The following PCDHGB3 variants were observed in gnomAD, a reference collection of about 807,000 sequenced individuals.
The protein encoded by PCDHGB3 is protocadherin gamma subfamily B, 3.
Under a neutral mutation model 59.2 loss-of-function variants are expected in PCDHGB3, and 40 were observed. That is an observed-to-expected ratio of 0.68 (90% CI 0.52 to 0.88). The LOEUF (loss-of-function observed/expected upper bound fraction) is 0.88, where lower values mean the gene tolerates loss of function less well. PCDHGB3 is among the 40% of genes least tolerant of loss of function. The probability of loss-of-function intolerance (pLI) is 0.00; values close to 1 mark genes in which losing one functional copy is unlikely to be tolerated. For missense variants in PCDHGB3, 1,309 were observed against 1,187.9 expected (o/e 1.10, Z -1.50); for synonymous variants, 581 against 503.6 (o/e 1.15, Z -2.06).
chr5:141,473,262 G>T (rs905961411), intron 1 of PCDHGB3, among the ~76,000 whole-genome samples: 2 of 152,188 alleles, frequency 1.3e-5, no homozygotes, highest in Admixed American at 6.5e-5. Flanking sequence ...AGTCCTTAGT[G>T]TATGCTATGA....
chr5:141,404,250 C>A lies in PCDHGB3; in HGVS notation c.2415+31441C>A, dbSNP rs1282621596. 2.5e-6 allele frequency: 4 copies of A among 1,613,886 alleles called. No homozygotes were observed. In the Admixed American group the frequency reaches 5.0e-5, roughly 20 times the overall value. On this transcript the variant is annotated intron_variant, in intron 1 of 3. Coordinates refer to ENST00000576222, the MANE Select transcript of PCDHGB3 (RefSeq NM_018924.5). Reference sequence around the variant, plus strand: ...ACAGACAGAGGAACTCCGCCCCTGTCCACAGAAATTCACATCACCCTGCAA... The same window carrying A: ...ACAGACAGAGGAACTCCGCCCCTGTACACAGAAATTCACATCACCCTGCAA...
intron 1 of PCDHGB3, chr5:141,383,606 A>G (rs368778165): frequency 6.2e-7 from 1 of 1,613,768 alleles, no homozygotes; most frequent in Non-Finnish European, 8.5e-7. Flanking sequence ...GTGGATGTGA[A>G]TGACCACACG....
intron 3 of PCDHGB3, 120 bp downstream of exon 3, chr5:141,505,601 C>T (rs1171679451): frequency 6.4e-7 from 1 of 1,550,630 alleles, no homozygotes; most frequent in Non-Finnish European, 8.7e-7. Flanking sequence ...GATCTTTCGG[C>T]AGGTCTGAAA....
At chr5:141,374,123 G>A (rs1770158708) in intron 1 of PCDHGB3, 2 of 1,602,040 alleles carry the variant, frequency 1.2e-6, no homozygotes, top group Non-Finnish European at 8.5e-7. Context: ...CAGCGAGCAG[G>A]TCCTGCTCCT....
intron 1 of PCDHGB3, among the ~76,000 whole-genome samples, chr5:141,443,722 C>G (rs2098401001): frequency 6.6e-6 from 1 of 152,012 alleles, no homozygotes; most frequent in Admixed American, 6.6e-5. Context: ...TATAAAATTC[C>G]TCATACATTT....
rs1292946472 is a variant in PCDHGB3 at position 141,382,951 on chromosome 5, A to G, written c.2415+10142A>G. 2 of 1,600,898 alleles carry G rather than the reference A, an allele frequency of 1.2e-6. No homozygotes were observed. The highest frequency in any genetic ancestry group is 1.7e-6 in the Non-Finnish European group (2 of 1,171,390). On this transcript the variant is annotated intron_variant, in intron 1 of 3. Coordinates refer to ENST00000576222, the MANE Select transcript of PCDHGB3 (RefSeq NM_018924.5). ...CTACAGAGGATTCTTCCTGCTCTCCATCCTCCTGGGGACCCCCTGGGAAGC... is the reference window on the plus strand; with the variant it reads ...CTACAGAGGATTCTTCCTGCTCTCCGTCCTCCTGGGGACCCCCTGGGAAGC...
intron 1 of PCDHGB3, among the ~76,000 whole-genome samples, chr5:141,407,049 C>T (rs1483952329): frequency 6.6e-6 from 1 of 152,162 alleles, no homozygotes. Context: ...TCCATAGATA[C>T]ACTGATGACT....
chr5:141,414,867 C>T (rs2095797355), intron 1 of PCDHGB3: 9 of 1,614,230 alleles, frequency 5.6e-6, no homozygotes, highest in South Asian at 1.1e-5. Flanking sequence ...ACAATGCGCC[C>T]GAGATCCTGT....
chr5:141,427,810 G>T, intron 1 of PCDHGB3: 1 of 1,523,990 alleles, frequency 6.6e-7, no homozygotes, highest in Non-Finnish European at 9.0e-7. Flanking sequence ...AGCGCACAGA[G>T]CGGGGTGGTG....
intron 3 of PCDHGB3, 111 bp from the exon 4 acceptor site, chr5:141,510,836 G>C: frequency 6.3e-7 from 1 of 1,584,882 alleles, no homozygotes; most frequent in African/African-American, 1.3e-5. Flanking sequence ...TGCTCAGCGT[G>C]GTCAAGGCCC....
Position 141,370,456 on chromosome 5 carries a change from T to A in PCDHGB3, c.62T>A (p.Leu21Gln), listed in dbSNP as rs889377616. The A allele has an allele frequency of 1.1e-5, 17 of 1,611,826 alleles. No homozygotes were observed. The highest frequency in any genetic ancestry group is 1.3e-5 in the Non-Finnish European group (15 of 1,178,848). The change falls in exon 1 of 4, where the codon CTG becomes CAG. Residue 21 changes from leucine to glutamine, a missense_variant. Transcript: ENST00000576222. ...CAGAGGCGAATGCTATTTCTCTTCC[T>A]GCTCTCTTTGTTAGACCAGGCTCTC... ...AGQRRMLFLFLLSLLDQALSE... is the reference protein window; with the variant it reads ...AGQRRMLFLFQLSLLDQALSE...
chr5:141,375,624 T>G, intron 1 of PCDHGB3: 5 of 1,614,224 alleles, frequency 3.1e-6, no homozygotes, highest in Non-Finnish European at 3.4e-6. Flanking sequence ...ACTGGGATTC[T>G]GTACGCCCTG....
chr5:141,508,535 C>A (rs1294413041), intron 3 of PCDHGB3, among the ~76,000 whole-genome samples: 1 of 152,172 alleles, frequency 6.6e-6, no homozygotes, highest in Non-Finnish European at 1.5e-5. Context: ...GGGCACCCCC[C>A]ACGAGGTGGG....
intron 1 of PCDHGB3, among the ~76,000 whole-genome samples, chr5:141,474,185 C>A (rs1481544975): frequency 6.6e-6 from 1 of 152,180 alleles, no homozygotes; most frequent in Non-Finnish European, 1.5e-5. Flanking sequence ...AAACTACTTA[C>A]ATTTTTAAAA....
At chr5:141,404,861 G>A in intron 1 of PCDHGB3, 1 of 1,613,848 alleles carries the variant, frequency 6.2e-7, no homozygotes, top group Non-Finnish European at 8.5e-7. Context: ...AGATAGAGAT[G>A]CGCTCAAACA....
Position 141,372,305 on chromosome 5 carries a change from C to G in PCDHGB3, c.1911C>G (p.Ala637=). The stretch of plus-strand genomic sequence containing the variant: ...CGCGTACCTTGGGCGACAGGGAGGC[C>G]GCCCGCCAGCGCCTGCTGGTCACTG... ...RTARTLGDRE[A]ARQRLLVTVR... The change falls in exon 1 of 4, where the codon GCC becomes GCG. Residue 637 remains alanine, a synonymous_variant. Transcript: ENST00000576222. The G allele has an allele frequency of 1.2e-6, 2 of 1,613,260 alleles. No individual in the cohort carries two copies. Among genetic ancestry groups the G allele is most frequent in the South Asian group, 1.1e-5 (1 of 91,088 alleles).
chr5:141,466,223 T>C (rs1313406487), intron 1 of PCDHGB3, among the ~76,000 whole-genome samples: 1 of 152,096 alleles, frequency 6.6e-6, no homozygotes, highest in African/African-American at 2.4e-5. Context: ...CAGGCTGGAG[T>C]GCAGTGGCAC....
intron 1 of PCDHGB3, chr5:141,429,169 T>TACAC (rs10667977): frequency 0.077 from 11,199 of 145,388 alleles, 458 homozygotes; most frequent in African/African-American, 0.081. Flanking sequence ...ACATTGTTTA[T>TACAC]ACACACACAC....
chr5:141,380,680 C>A (rs952566953), intron 1 of PCDHGB3, among the ~76,000 whole-genome samples: 2 of 152,184 alleles, frequency 1.3e-5, no homozygotes, highest in Middle Eastern at 3.2e-3. Context: ...GGTATGTATG[C>A]TTTGTGTTCG....
Sources: allele counts gnomAD v4.1 joint callset (sites outside exome capture counted in the v4.1 genomes callset), GRCh38; gene constraint gnomAD v4.1.1; transcripts MANE v1.5; gene names NCBI Gene and HGNC (gene_info 2026-07-23, HGNC 2026-07-21).